The following SMAD9 variants were observed in gnomAD, a reference collection of about 807,000 sequenced individuals.
SMAD9 encodes the protein MAD homolog 9.
A neutral mutation model predicts 46.1 loss-of-function variants in SMAD9; 36 were observed. The ratio of observed to expected loss-of-function variants is 0.78; its 90% CI spans 0.60 to 1.03. The LOEUF (loss-of-function observed/expected upper bound fraction) is 1.03, where lower values mean the gene tolerates loss of function less well. SMAD9 is among the 50% of genes least tolerant of loss of function. The pLI, the probability that SMAD9 is intolerant of heterozygous loss-of-function variation, is 0.00. For synonymous variants in SMAD9, 245 were observed against 237.1 expected, an observed-to-expected ratio of 1.03 and a Z score of -0.31; for missense variants, 572 against 599.8, an observed-to-expected ratio of 0.95 and a Z score of 0.48.
At chr13:36,880,604 C>A (rs900547126) in intron 1 of SMAD9, among the ~76,000 whole-genome samples, 6 of 152,310 alleles carry the variant, frequency 3.9e-5, no homozygotes, top group African/African-American at 1.2e-4. Flanking sequence ...CCCTGGGAGT[C>A]CCCTGAGATC....
At chr13:36,911,057 G>A (rs1035419949) in intron 1 of SMAD9, among the ~76,000 whole-genome samples, 1 of 152,018 alleles carries the variant, frequency 6.6e-6, no homozygotes, top group African/African-American at 2.4e-5. Flanking sequence ...CCAGGATGGA[G>A]TGCAGTGGCG....
chr13:36,901,162 C>A (rs543873753), intron 1 of SMAD9, among the ~76,000 whole-genome samples: 1 of 152,156 alleles, frequency 6.6e-6, no homozygotes, highest in African/African-American at 2.4e-5. Flanking sequence ...GTTTGAGTAG[C>A]TGTTTTCAGT....
rs375433575 is a variant in SMAD9 at position 36,845,488 on chromosome 13, T to G, written c.*3188A>C. 1.5e-5 allele frequency: 2 copies of G among 137,472 alleles called. No individual in the cohort carries two copies. Among genetic ancestry groups the G allele is most frequent in the East Asian group, 2.2e-4 (1 of 4,576 alleles). 8.5% of individuals were successfully genotyped at this position (137,472 alleles called of 1,614,324 possible). ...AAACTGATCAATGTTCTGGGTCTTG[T>G]GAGCAGACCGAAATGTTACTACAGT... On this transcript the variant is annotated 3_prime_UTR_variant, in exon 7 of 7. Transcript: ENST00000379826.
At chr13:36,898,482 T>C (rs1039757680) in intron 1 of SMAD9, among the ~76,000 whole-genome samples, 8 of 151,890 alleles carry the variant, frequency 5.3e-5, no homozygotes, top group African/African-American at 1.5e-4. Flanking sequence ...ACAAATAGTA[T>C]TCAGAAAAAC....
chr13:36,854,624 G>A (rs571437230), intron 5 of SMAD9, among the ~76,000 whole-genome samples: 6 of 152,138 alleles, frequency 3.9e-5, no homozygotes, highest in South Asian at 2.1e-4. Context: ...CACCCGCCTC[G>A]GCCTCCCAAA....
chr13:36,854,372 A>AT (rs879577105), intron 5 of SMAD9, among the ~76,000 whole-genome samples: 160 of 145,324 alleles, frequency 1.1e-3, no homozygotes, highest in East Asian at 1.2e-3. Flanking sequence ...CACAAATTTT[A>AT]TTTTTTTTTT....
chr13:36,874,684 C>T (rs540845830), intron 2 of SMAD9, among the ~76,000 whole-genome samples: 2 of 151,562 alleles, frequency 1.3e-5, no homozygotes, highest in South Asian at 4.2e-4. Context: ...AGTGAAACCC[C>T]GTCTCTACTA....
intron 1 of SMAD9, among the ~76,000 whole-genome samples, chr13:36,913,014 A>G (rs543671470): frequency 6.6e-6 from 1 of 152,304 alleles, no homozygotes; most frequent in Admixed American, 6.5e-5. Flanking sequence ...CTTATACTTT[A>G]AATCATCTTA....
intron 3 of SMAD9, 51 bp from the exon 4 acceptor site, chr13:36,867,434 A>AAT (rs950127962): frequency 4.0e-5 from 49 of 1,237,384 alleles, no homozygotes; most frequent in African/African-American, 4.5e-5. Context: ...AAACCACACA[A>AAT]AGACAGTTGG....
chr13:36,909,327 A>G (rs2058642273), intron 1 of SMAD9, among the ~76,000 whole-genome samples: 1 of 152,184 alleles, frequency 6.6e-6, no homozygotes, highest in South Asian at 2.1e-4. Flanking sequence ...AGAATGTTCT[A>G]TATTTTTCCA....
At chr13:36,900,742 TTTAC>T (rs1366384804) in intron 1 of SMAD9, among the ~76,000 whole-genome samples, 2 of 151,122 alleles carry the variant, frequency 1.3e-5, no homozygotes, top group Non-Finnish European at 3.0e-5. Flanking sequence ...TGTAAATTAT[TTTAC>T]TTATTTTAAA....
At position 36,879,572 on chromosome 13, in the gene SMAD9, A is replaced by G; in HGVS notation, c.118T>C (p.Ser40Pro). Residue 40 changes from serine to proline, a missense_variant, in exon 2 of 7, where the codon TCT becomes CCT. Transcript: ENST00000379826. ...EEKWAEKAVD[S>P]LVKKLKKKKG... ...TTCTTCTTTAACTTCTTCACTAGAGAGTCCACTGCCTTCTCTGCCCACTTT... is the reference window on the plus strand; with the variant it reads ...TTCTTCTTTAACTTCTTCACTAGAGGGTCCACTGCCTTCTCTGCCCACTTT... 1 of 1,614,150 alleles carries G rather than the reference A, an allele frequency of 6.2e-7. No individual in the cohort carries two copies. Among genetic ancestry groups the G allele is most frequent in the Non-Finnish European group, 8.5e-7 (1 of 1,180,018 alleles).
At position 36,879,364 on chromosome 13, in the gene SMAD9, G is replaced by A. The variant is rs752418001; in HGVS notation, c.326C>T (p.Pro109Leu). 3.7e-6 allele frequency: 6 copies of A among 1,614,126 alleles called. No individual in the cohort carries two copies. The highest frequency in any genetic ancestry group is 3.3e-5 in the South Asian group (3 of 91,084). Residue 109 changes from proline to leucine, a missense_variant, in exon 2 of 7, where the codon CCG (proline) becomes CTG (leucine). Coordinates refer to ENST00000379826, the MANE Select transcript of SMAD9 (RefSeq NM_001127217.3). ...AAATGGGAACTCACAGCACTCCAGC[G>A]GCTTCAGCTCGTGGTGGGACTGCAG... ...PDLQSHHELKPLECCEFPFGS... is the reference protein window; with the variant it reads ...PDLQSHHELKLLECCEFPFGS...
intron 2 of SMAD9, among the ~76,000 whole-genome samples, chr13:36,873,533 C>T (rs2058316640): frequency 6.6e-6 from 1 of 152,102 alleles, no homozygotes; most frequent in South Asian, 2.1e-4. Flanking sequence ...TTAAGTAAAA[C>T]ACAAACGGTG....
Position 36,845,038 on chromosome 13 carries a change from C to T in SMAD9, c.*3638G>A, listed in dbSNP as rs2058029777. 1.3e-5 allele frequency: 2 copies of T among 151,958 alleles called. No individual in the cohort carries two copies. Among genetic ancestry groups the T allele is most frequent in the Non-Finnish European group, 2.9e-5 (2 of 67,964 alleles). The allele number at this position is 151,958 out of a possible 1,614,324, so 9.4% of individuals were successfully genotyped here. A position where few individuals can be genotyped will look rare whatever the true frequency, so the allele number is the denominator to read the frequency against. The stretch of plus-strand genomic sequence containing the variant: ...TGTCATACAGTTCTGCTATTAAAAT[C>T]GTAACAGGGAAAGACAAAATGTGAA... On this transcript the variant is annotated 3_prime_UTR_variant, in exon 7 of 7. Coordinates refer to ENST00000379826, the MANE Select transcript of SMAD9 (RefSeq NM_001127217.3).
chr13:36,875,346 G>A (rs1377019521), intron 2 of SMAD9, among the ~76,000 whole-genome samples: 1 of 152,076 alleles, frequency 6.6e-6, no homozygotes, highest in African/African-American at 2.4e-5. Flanking sequence ...TCAGTTATAT[G>A]GACAGAAAAT....
At chr13:36,898,149 C>T (rs1385075769) in intron 1 of SMAD9, among the ~76,000 whole-genome samples, 1 of 152,048 alleles carries the variant, frequency 6.6e-6, no homozygotes, top group African/African-American at 2.4e-5. Flanking sequence ...TGAGCCACTG[C>T]ACCCGGCCGA....
At chr13:36,874,735 T>C (rs1018743220) in intron 2 of SMAD9, among the ~76,000 whole-genome samples, 10 of 151,118 alleles carry the variant, frequency 6.6e-5, no homozygotes, top group African/African-American at 2.4e-4. Flanking sequence ...CGGGTGCCTG[T>C]AGTCCCAGCT....
intron 1 of SMAD9, among the ~76,000 whole-genome samples, chr13:36,919,393 G>C (rs932011589): frequency 6.6e-6 from 1 of 152,082 alleles, no homozygotes; most frequent in Non-Finnish European, 1.5e-5. Context: ...CCAAGGAAAA[G>C]ACAAACACCC....
Sources: allele counts gnomAD v4.1 joint callset (sites outside exome capture counted in the v4.1 genomes callset), GRCh38; gene constraint gnomAD v4.1.1; transcripts MANE v1.5; gene names NCBI Gene and HGNC (gene_info 2026-07-23, HGNC 2026-07-21).